The following MBNL1 variants were observed in gnomAD, a reference collection of about 807,000 sequenced individuals.
The protein encoded by MBNL1 is muscleblind-like protein 1.
Under a neutral mutation model 42.2 loss-of-function variants are expected in MBNL1, and 8 were observed. The ratio of observed to expected loss-of-function variants is 0.19; its 90% CI spans 0.11 to 0.34. The LOEUF is 0.34. MBNL1 is among the 10% of genes least tolerant of loss of function. The probability of loss-of-function intolerance (pLI) is 1.00; values close to 1 mark genes in which losing one functional copy is unlikely to be tolerated. For synonymous variants in MBNL1, 169 were observed against 173.9 expected, an observed-to-expected ratio of 0.97 and a Z score of 0.22; for missense variants, 309 against 495.3, an observed-to-expected ratio of 0.62 and a Z score of 3.57.
At position 152,271,117 on chromosome 3, in the gene MBNL1, A is replaced by G. The variant is rs1445882519; in HGVS notation, c.-790+2025A>G. On this transcript the variant is annotated intron_variant, in intron 1 of 9. Coordinates refer to ENST00000324210, the MANE Select transcript of MBNL1 (RefSeq NM_021038.5). ...TGTGGTACTCTGCGCAGTCATGCCA[A>G]AGAGAAACTGAAGTGTTATATGGTT... Among the ~76,000 whole-genome samples, 4 of 152,210 alleles carry G rather than the reference A, an allele frequency of 2.6e-5. No individual in the cohort carries two copies. In the East Asian group the frequency reaches 7.7e-4, roughly 29 times the overall value.
chr3:152,447,817 G>C (rs762185065), intron 6 of MBNL1, 44 bp downstream of exon 6: 7 of 1,588,278 alleles, frequency 4.4e-6, no homozygotes, highest in Non-Finnish European at 6.0e-6. Flanking sequence ...ATGATCTACA[G>C]AGAGTCCTAC....
intron 1 of MBNL1, among the ~76,000 whole-genome samples, chr3:152,296,907 T>C (rs73869983): frequency 0.015 from 2,326 of 152,310 alleles, 57 homozygotes; most frequent in African/African-American, 0.053. Flanking sequence ...ATATTTTTTC[T>C]GTCCTTAAAA....
chr3:152,272,907 T>G (rs894814172), intron 1 of MBNL1, among the ~76,000 whole-genome samples: 1 of 152,242 alleles, frequency 6.6e-6, no homozygotes, highest in Non-Finnish European at 1.5e-5. Flanking sequence ...AAAAATGTGG[T>G]TCTTTTCTAG....
chr3:152,382,791 A>T (rs915764879), intron 2 of MBNL1, among the ~76,000 whole-genome samples: 2 of 151,928 alleles, frequency 1.3e-5, no homozygotes, highest in African/African-American at 4.8e-5. Context: ...TTTTAAATCC[A>T]GTTTTTGTTA....
rs978754171 is a variant in MBNL1, at chr3:152,463,110, C to G, written c.*744C>G. 6.0e-5 allele frequency: 9 copies of G among 149,368 alleles called. No homozygotes were observed. Among genetic ancestry groups the G allele is most frequent in the African/African-American group, 2.2e-4 (9 of 40,818 alleles). 9.3% of individuals were successfully genotyped at this position (149,368 alleles called of 1,614,324 possible). A position where few individuals can be genotyped will look rare whatever the true frequency, so the allele number is the denominator to read the frequency against. On this transcript the variant is annotated 3_prime_UTR_variant, in exon 10 of 10. Transcript: ENST00000324210. ...AGAGCCACATTTTGTTGCATATTTG[C>G]TAGTACTAATCAGTCAAAGGGCACC...
intron 2 of MBNL1, among the ~76,000 whole-genome samples, chr3:152,343,994 G>T (rs1336387035): frequency 6.6e-6 from 1 of 152,024 alleles, no homozygotes; most frequent in East Asian, 1.9e-4. Context: ...ATTGTAATTT[G>T]TATGTATGAA....
chr3:152,325,243 G>C (rs1037486900), intron 2 of MBNL1, among the ~76,000 whole-genome samples: 6 of 151,498 alleles, frequency 4.0e-5, no homozygotes, highest in African/African-American at 1.5e-4. Flanking sequence ...CCTCACTCTA[G>C]ACCTGGCCAC....
rs1748933398 is a variant in MBNL1 at position 152,463,909 on chromosome 3, C to T, written c.*1543C>T. The T allele has an allele frequency of 6.6e-6, 1 of 152,424 alleles. No homozygotes were observed. Among genetic ancestry groups the T allele is most frequent in the Non-Finnish European group, 1.5e-5 (1 of 67,956 alleles). 9.4% of individuals were successfully genotyped at this position (152,424 alleles called of 1,614,324 possible). A position where few individuals can be genotyped will look rare whatever the true frequency, so the allele number is the denominator to read the frequency against. Reference sequence around the variant, plus strand: ...ACTTTCCATACTTCCAAGTTTACTGCAAGTTTTTATGCTTGAGAGAGATGC... The same window carrying T: ...ACTTTCCATACTTCCAAGTTTACTGTAAGTTTTTATGCTTGAGAGAGATGC... On this transcript the variant is annotated 3_prime_UTR_variant, in exon 10 of 10. Transcript: ENST00000324210.
chr3:152,395,690 A>G (rs1433753533), intron 2 of MBNL1, among the ~76,000 whole-genome samples: 1 of 152,202 alleles, frequency 6.6e-6, no homozygotes, highest in Non-Finnish European at 1.5e-5. Context: ...TGTATTTTAG[A>G]GTTCTTAACC....
At chr3:152,295,761 T>C (rs891436651) in intron 1 of MBNL1, among the ~76,000 whole-genome samples, 1 of 152,090 alleles carries the variant, frequency 6.6e-6, no homozygotes, top group Non-Finnish European at 1.5e-5. Flanking sequence ...GTTGCAGGGG[T>C]GAGGAAGTGT....
chr3:152,453,780 G>T (rs571700796), intron 6 of MBNL1, among the ~76,000 whole-genome samples: 1 of 152,204 alleles, frequency 6.6e-6, no homozygotes, highest in East Asian at 1.9e-4. Context: ...AATAGCTTTA[G>T]GATTTTAGAG....
chr3:152,364,450 A>G (rs893164324), intron 2 of MBNL1, among the ~76,000 whole-genome samples: 1 of 152,086 alleles, frequency 6.6e-6, no homozygotes, highest in Non-Finnish European at 1.5e-5. Flanking sequence ...AATTCATTAC[A>G]TGCCTGTCAT....
chr3:152,421,917 C>T (rs1464845514), intron 3 of MBNL1, among the ~76,000 whole-genome samples: 1 of 151,916 alleles, frequency 6.6e-6, no homozygotes, highest in African/African-American at 2.4e-5. Context: ...CTTACAAGAA[C>T]TCCTGAAGGA....
intron 2 of MBNL1, chr3:152,338,764 T>TG (rs1233240990): frequency 2.2e-6 from 2 of 888,980 alleles, no homozygotes; most frequent in Non-Finnish European, 2.7e-6. Context: ...AGTTAAAGAA[T>TG]GTCCTTGGGA....
At chr3:152,352,773 A>T (rs1183476951) in intron 2 of MBNL1, among the ~76,000 whole-genome samples, 1 of 152,166 alleles carries the variant, frequency 6.6e-6, no homozygotes, top group Admixed American at 6.5e-5. Flanking sequence ...GTCCTCTGGG[A>T]TGCAGCAGAG....
intron 6 of MBNL1, among the ~76,000 whole-genome samples, chr3:152,451,759 C>T (rs1457948534): frequency 2.0e-5 from 3 of 152,200 alleles, no homozygotes; most frequent in East Asian, 3.8e-4. Context: ...AAAAGAGCTA[C>T]GTTTTATTGA....
intron 2 of MBNL1, among the ~76,000 whole-genome samples, chr3:152,346,723 A>C (rs963868980): frequency 1.3e-5 from 2 of 152,138 alleles, no homozygotes; most frequent in Admixed American, 6.6e-5. Flanking sequence ...AGAAAAATAC[A>C]GCATTCTCAA....
At chr3:152,287,636 A>G (rs775683165) in intron 1 of MBNL1, among the ~76,000 whole-genome samples, 1 of 152,212 alleles carries the variant, frequency 6.6e-6, no homozygotes, top group Admixed American at 6.5e-5. Context: ...ACTGATTCAG[A>G]TAATCCAATA....
At chr3:152,264,069 A>T (rs541456466), upstream of MBNL1, 1 of 151,714 alleles carries the variant, frequency 6.6e-6, no homozygotes, top group African/African-American at 2.4e-5. Flanking sequence ...CTTCTCTCCC[A>T]AATCCCCCCA....
Sources: gnomAD v4.1 joint callset for allele counts (sites outside exome capture counted in the v4.1 genomes callset) on GRCh38, gnomAD v4.1.1 for gene constraint, MANE v1.5 for transcripts, NCBI Gene and HGNC (gene_info 2026-07-23, HGNC 2026-07-21) for gene names.